CAMK1D: variants seen among roughly 807,000 people sequenced by gnomAD.
CAMK1D encodes the protein calcium/calmodulin-dependent protein kinase type 1D.
Under a neutral mutation model 47.7 loss-of-function variants are expected in CAMK1D, and 9 were observed. The ratio of observed to expected loss-of-function variants is 0.19; its 90% CI spans 0.11 to 0.33. The LOEUF is 0.33. Ranked by LOEUF, CAMK1D falls within the 10% of genes least tolerant of loss-of-function variation. The pLI is 1.00. For missense variants in CAMK1D, 291 were observed against 488.7 expected (o/e 0.60, Z 3.81); for synonymous variants, 184 against 184.9 (o/e 0.99, Z 0.04).
chr10:12,742,512 G>T (rs2130849464), intron 3 of CAMK1D, among the ~76,000 whole-genome samples: 2 of 152,334 alleles, frequency 1.3e-5, no homozygotes, highest in Non-Finnish European at 2.9e-5. Flanking sequence ...TGGCCGAGTT[G>T]TGCAACCATC....
chr10:12,743,102 C>T (rs748273193), intron 3 of CAMK1D, among the ~76,000 whole-genome samples: 12 of 151,906 alleles, frequency 7.9e-5, no homozygotes, highest in African/African-American at 2.4e-4. Context: ...CAGCACTTTG[C>T]GAGGCCGAGG....
intron 1 of CAMK1D, among the ~76,000 whole-genome samples, chr10:12,494,705 C>T (rs1314727305): frequency 6.6e-6 from 1 of 152,180 alleles, no homozygotes; most frequent in African/African-American, 2.4e-5. Context: ...GCTGGGACTA[C>T]AGGCATGTGC....
intron 3 of CAMK1D, among the ~76,000 whole-genome samples, chr10:12,686,888 G>A (rs977302652): frequency 6.6e-6 from 1 of 152,110 alleles, no homozygotes; most frequent in African/African-American, 2.4e-5. Context: ...TCACTTCCCA[G>A]ATCCATAAAA....
At chr10:12,479,587 C>T (rs1026172342) in intron 1 of CAMK1D, among the ~76,000 whole-genome samples, 1 of 152,228 alleles carries the variant, frequency 6.6e-6, no homozygotes, top group African/African-American at 2.4e-5. Flanking sequence ...TGCTGAGTCT[C>T]CCACTCAGCC....
intron 2 of CAMK1D, among the ~76,000 whole-genome samples, chr10:12,650,578 G>A (rs7072694): frequency 0.49 from 74,511 of 151,886 alleles, 18,956 homozygotes; most frequent in East Asian, 0.57. Flanking sequence ...ACAACGTGCC[G>A]CAATGCCGTT....
At position 12,499,375 on chromosome 10, in the gene CAMK1D, A is replaced by T. The variant is rs374564138; in HGVS notation, c.93-53850A>T. On this transcript the variant is annotated intron_variant, in intron 1 of 10. Transcript: ENST00000619168. Reference sequence around the variant, plus strand: ...TCCTGCTTTGTCTCTGCTGCCCACAATCCATATCTGCATGCATATTTCATG... The same window carrying T: ...TCCTGCTTTGTCTCTGCTGCCCACATTCCATATCTGCATGCATATTTCATG... Among the ~76,000 whole-genome samples, 6 of 151,912 alleles carry T rather than the reference A, an allele frequency of 3.9e-5. No homozygotes were observed. In the East Asian group the frequency reaches 1.2e-3, roughly 29 times the overall value.
At chr10:12,387,397 T>TTATATATATTATATATA in intron 1 of CAMK1D, among the ~76,000 whole-genome samples, 1 of 83,752 alleles carries the variant, frequency 1.2e-5, no homozygotes, top group Non-Finnish European at 2.3e-5. Context: ...ATATTATATA[T>TTATATATATTATATATA]TTTTATATAT....
chr10:12,532,343 G>GA (rs1429852031), intron 1 of CAMK1D, among the ~76,000 whole-genome samples: 3 of 151,010 alleles, frequency 2.0e-5, no homozygotes, highest in Non-Finnish European at 4.4e-5. Context: ...GCAGTGGCGG[G>GA]ATCTCGGCTC....
intron 1 of CAMK1D, among the ~76,000 whole-genome samples, chr10:12,498,027 A>G (rs1834593466): frequency 6.6e-6 from 1 of 152,240 alleles, no homozygotes; most frequent in African/African-American, 2.4e-5. Flanking sequence ...TAAAACCATC[A>G]GATCTCATGA....
intron 1 of CAMK1D, among the ~76,000 whole-genome samples, chr10:12,375,189 G>A (rs1838141145): frequency 6.6e-6 from 1 of 152,138 alleles, no homozygotes; most frequent in Non-Finnish European, 1.5e-5. Context: ...TCTTACACGT[G>A]ATTTTCCAAA....
chr10:12,513,799 T>C (rs1421411679), intron 1 of CAMK1D, among the ~76,000 whole-genome samples: 1 of 152,108 alleles, frequency 6.6e-6, no homozygotes, highest in Non-Finnish European at 1.5e-5. Context: ...AGCCCCTGTC[T>C]AAAACAAAAG....
intron 3 of CAMK1D, among the ~76,000 whole-genome samples, chr10:12,724,345 G>A (rs1588850833): frequency 1.3e-5 from 2 of 152,276 alleles, no homozygotes; most frequent in South Asian, 2.1e-4. Flanking sequence ...AATGGCATTC[G>A]TGTGCATGGA....
chr10:12,433,004 C>T (rs550063364), intron 1 of CAMK1D, among the ~76,000 whole-genome samples: 2 of 152,324 alleles, frequency 1.3e-5, no homozygotes, highest in South Asian at 4.1e-4. Flanking sequence ...CCAGCTCACA[C>T]GGATCATGGA....
At chr10:12,776,827 A>G (rs1026711476) in intron 5 of CAMK1D, among the ~76,000 whole-genome samples, 3 of 152,204 alleles carry the variant, frequency 2.0e-5, no homozygotes, top group African/African-American at 7.2e-5. Context: ...AAAAATGTGA[A>G]AAACACGACA....
chr10:12,781,956 T>C (rs1193894866), intron 5 of CAMK1D, among the ~76,000 whole-genome samples: 1 of 148,326 alleles, frequency 6.7e-6, no homozygotes, highest in East Asian at 2.0e-4. Flanking sequence ...CCTGGTGATA[T>C]GTTTTTAATT....
chr10:12,540,528 C>T (rs565381857), intron 1 of CAMK1D, among the ~76,000 whole-genome samples: 5 of 152,330 alleles, frequency 3.3e-5, no homozygotes, highest in African/African-American at 1.2e-4. Context: ...GCCGCAGAAA[C>T]ACCTGCAGAA....
intron 2 of CAMK1D, among the ~76,000 whole-genome samples, chr10:12,573,376 C>CTTAGAGATGAGAGGTTGCGTG (rs143409946): frequency 2.0e-5 from 3 of 152,236 alleles, no homozygotes; most frequent in Admixed American, 6.5e-5. Context: ...AGCTGGTTGA[C>CTTAGAGATGAGAGGTTGCGTG]TTACACTGGT....
chr10:12,803,476 G>A lies in CAMK1D; in HGVS notation c.642-10719G>A, dbSNP rs76964324. The stretch of plus-strand genomic sequence containing the variant: ...GCGGGCAGGTCACTTGAGGTCAGGA[G>A]TTCGAGACCAGCCTGGCCAACACGG... On this transcript the variant is annotated intron_variant, in intron 6 of 10. Coordinates refer to ENST00000619168, the MANE Select transcript of CAMK1D (RefSeq NM_153498.4). Among the ~76,000 whole-genome samples, 698 of 152,230 alleles carry A rather than the reference G, an allele frequency of 4.6e-3. 21 individuals carry two copies. The East Asian group carries it at 0.08, about 18-fold the overall frequency.
chr10:12,389,270 G>A (rs1009901185), intron 1 of CAMK1D, among the ~76,000 whole-genome samples: 25 of 152,262 alleles, frequency 1.6e-4, no homozygotes, highest in South Asian at 4.1e-4. Flanking sequence ...TGGCGGTGGC[G>A]CGTGCCAGCC....
Sources: gnomAD v4.1 joint callset for allele counts (sites outside exome capture counted in the v4.1 genomes callset) on GRCh38, gnomAD v4.1.1 for gene constraint, MANE v1.5 for transcripts, NCBI Gene and HGNC (gene_info 2026-07-23, HGNC 2026-07-21) for gene names.